Variants in MROH9 observed in about 807,000 individuals in gnomAD.
MROH9 encodes maestro heat-like repeat-containing protein family member 9.
In MROH9, 92 loss-of-function variants were observed where a neutral mutation model predicts 98.2. The observed-to-expected ratio is 0.94, with a 90% CI of 0.79 to 1.11. The LOEUF (loss-of-function observed/expected upper bound fraction) is 1.11. MROH9 is among the 50% of genes most tolerant of loss of function. The pLI is 0.00. For missense variants in MROH9, 1,057 were observed against 1,014.8 expected (o/e 1.04, Z -0.57); for synonymous variants, 397 against 368.9 (o/e 1.08, Z -0.87).
chr1:171,051,713 G>A (rs1315058879), intron 20 of MROH9, among the ~76,000 whole-genome samples: 1 of 152,112 alleles, frequency 6.6e-6, no homozygotes, highest in Non-Finnish European at 1.5e-5. Flanking sequence ...TAACAAACCT[G>A]CACATCCTGC....
chr1:170,937,376 G>A (rs1648928068), intron 1 of MROH9, among the ~76,000 whole-genome samples: 1 of 152,048 alleles, frequency 6.6e-6, no homozygotes. Context: ...TTTGTATTAT[G>A]TGATAAGAGA....
At chr1:170,946,882 A>T (rs1204724398) in intron 2 of MROH9, among the ~76,000 whole-genome samples, 3 of 152,004 alleles carry the variant, frequency 2.0e-5, no homozygotes, top group African/African-American at 7.2e-5. Flanking sequence ...AAAAATTTAA[A>T]AGCCCCTTAT....
intron 7 of MROH9, among the ~76,000 whole-genome samples, chr1:170,971,361 T>TA (rs1470528908): frequency 6.6e-6 from 1 of 152,192 alleles, no homozygotes; most frequent in Admixed American, 6.6e-5. Context: ...AAGGAAGTAC[T>TA]AAAGGTTTTG....
chr1:170,935,625 G>T (rs1367694164), intron 1 of MROH9, 38 bp downstream of exon 1: 1 of 152,044 alleles, frequency 6.6e-6, no homozygotes, highest in Non-Finnish European at 1.5e-5. Flanking sequence ...TCATTCAAAA[G>T]CTTGTCTTTT....
At chr1:171,063,287 T>G (rs1428238880) in intron 21 of MROH9, among the ~76,000 whole-genome samples, 1 of 125,694 alleles carries the variant, frequency 8.0e-6, no homozygotes, top group Non-Finnish European at 1.6e-5. Flanking sequence ...GGAGTCTCCC[T>G]CTGTCACCCA....
At chr1:171,035,275 CA>C (rs1272745567) in intron 20 of MROH9, among the ~76,000 whole-genome samples, 2 of 150,520 alleles carry the variant, frequency 1.3e-5, no homozygotes, top group Admixed American at 6.6e-5. Flanking sequence ...ATAAAACGTA[CA>C]AAAAATAATA....
At chr1:171,050,915 G>C (rs1241382511) in intron 20 of MROH9, among the ~76,000 whole-genome samples, 1 of 152,102 alleles carries the variant, frequency 6.6e-6, no homozygotes, top group African/African-American at 2.4e-5. Flanking sequence ...CATTTATTGC[G>C]ATGATTATTG....
rs556219601 is a variant in MROH9 at position 170,977,138 on chromosome 1, C to G, written c.616+5255C>G. Among the ~76,000 whole-genome samples the G allele has an allele frequency of 3.9e-5, 6 of 152,234 alleles. No homozygotes were observed. The South Asian group carries it at 6.2e-4, about 16-fold the overall frequency. On this transcript the variant is annotated intron_variant, in intron 8 of 21. Coordinates refer to ENST00000367759, the MANE Select transcript of MROH9 (RefSeq NM_001163629.2). ...CTATTTCATCAGTCAGCTCCTGTAT[C>G]ATTTTATTGTGAGTCTTAGTTTCCT...
rs28502664 is a variant in MROH9, at chr1:170,972,839, C to G, written c.616+956C>G. On this transcript the variant is annotated intron_variant, in intron 8 of 21. Coordinates refer to ENST00000367759, the MANE Select transcript of MROH9 (RefSeq NM_001163629.2). ...AAAAAAAAAAAAAAATACACACACA[C>G]ACACACACACACACACACACAGAGT... Among the ~76,000 whole-genome samples the G allele has an allele frequency of 7.3e-5, 10 of 137,790 alleles. 1 individual carries two copies. The highest frequency in any genetic ancestry group is 7.1e-4 in the Admixed American group (10 of 14,138). 90.4% of individuals were successfully genotyped at this position (137,790 alleles called of 152,430 possible).
intron 15 of MROH9, chr1:170,998,851 C>T (rs1651686441): frequency 2.9e-6 from 2 of 695,578 alleles, no homozygotes; most frequent in Non-Finnish European, 3.5e-6. Context: ...ATAATAGGCA[C>T]ATATTACCTA....
intron 10 of MROH9, among the ~76,000 whole-genome samples, chr1:170,988,991 C>G (rs1264391143): frequency 6.6e-6 from 1 of 152,058 alleles, no homozygotes; most frequent in East Asian, 1.9e-4. Context: ...CACCTTGGAA[C>G]CTACGTGGTT....
chr1:171,046,317 T>G (rs1254412372), intron 20 of MROH9, among the ~76,000 whole-genome samples: 1 of 152,178 alleles, frequency 6.6e-6, no homozygotes, highest in Non-Finnish European at 1.5e-5. Context: ...TTATTAGAAC[T>G]TACTCCTGTC....
At chr1:171,041,255 T>C (rs191813458) in intron 20 of MROH9, among the ~76,000 whole-genome samples, 5 of 151,610 alleles carry the variant, frequency 3.3e-5, no homozygotes, top group Admixed American at 2.6e-4. Context: ...TATTTCTGAG[T>C]AATTTCACTG....
chr1:170,952,961 T>C (rs1649613920), intron 3 of MROH9, among the ~76,000 whole-genome samples: 1 of 152,038 alleles, frequency 6.6e-6, no homozygotes, highest in Non-Finnish European at 1.5e-5. Context: ...TCTTTTGTAA[T>C]CTATCCAATT....
chr1:170,964,465 A>G (rs1650151890), intron 6 of MROH9, among the ~76,000 whole-genome samples: 1 of 152,134 alleles, frequency 6.6e-6, no homozygotes, highest in African/African-American at 2.4e-5. Context: ...AACCATTGAC[A>G]TAAATATAGT....
At chr1:170,987,578 G>A (rs541492993) in intron 10 of MROH9, among the ~76,000 whole-genome samples, 65 of 152,076 alleles carry the variant, frequency 4.3e-4, no homozygotes, top group African/African-American at 1.4e-3. Flanking sequence ...TTTTTTAGTC[G>A]TGAGCACAAA....
intron 20 of MROH9, among the ~76,000 whole-genome samples, chr1:171,028,853 C>T (rs11487419): frequency 2.6e-5 from 4 of 152,016 alleles, no homozygotes; most frequent in South Asian, 2.1e-4. Context: ...AATGAATGCT[C>T]GTAATTTTTG....
chr1:171,006,592 G>T (rs896559506), intron 15 of MROH9, among the ~76,000 whole-genome samples: 3 of 151,596 alleles, frequency 2.0e-5, no homozygotes, highest in Non-Finnish European at 4.4e-5. Context: ...TCTTGTGAGG[G>T]TTATAGACAT....
chr1:170,958,756 C>T (rs1649891850), intron 4 of MROH9, among the ~76,000 whole-genome samples: 1 of 152,102 alleles, frequency 6.6e-6, no homozygotes, highest in African/African-American at 2.4e-5. Flanking sequence ...GCTTCATTTG[C>T]CATCAGTTTG....
Sources: gnomAD v4.1 joint callset for allele counts (sites outside exome capture counted in the v4.1 genomes callset) on GRCh38, gnomAD v4.1.1 for gene constraint, MANE v1.5 for transcripts, NCBI Gene and HGNC (gene_info 2026-07-23, HGNC 2026-07-21) for gene names.